WDFY2: variants seen among roughly 807,000 people sequenced by gnomAD.
WDFY2 encodes the protein WD repeat and FYVE domain-containing protein 2.
A neutral mutation model predicts 56.4 loss-of-function variants in WDFY2; 36 were observed. The observed-to-expected ratio is 0.64, with a 90% CI of 0.49 to 0.84. The LOEUF is 0.84. Among genes scored for constraint, WDFY2 ranks in the 40% least tolerant of loss-of-function variants. The pLI is 0.00. For synonymous variants in WDFY2, 176 were observed against 183.7 expected (o/e 0.96, Z 0.34); for missense variants, 444 against 512.2 (o/e 0.87, Z 1.29).
chr13:51,655,723 A>T (rs1034588225), intron 1 of WDFY2, among the ~76,000 whole-genome samples: 1 of 152,114 alleles, frequency 6.6e-6, no homozygotes, highest in Non-Finnish European at 1.5e-5. Context: ...CTGAAGTTTG[A>T]ATAGGATTGT....
At chr13:51,652,162 C>A (rs1190939761) in intron 1 of WDFY2, among the ~76,000 whole-genome samples, 4 of 152,086 alleles carry the variant, frequency 2.6e-5, no homozygotes, top group Non-Finnish European at 5.9e-5. Context: ...TATGTAATGG[C>A]CTTCTTTGTC....
chr13:51,737,551 TAAAAAAAAAAAAAAA>T (rs67418551), intron 6 of WDFY2, among the ~76,000 whole-genome samples: 17 of 53,244 alleles, frequency 3.2e-4, no homozygotes, highest in South Asian at 7.8e-4. Context: ...ACAATGAATT[TAAAAAAAAAAAAAAA>T]AAAAAAAAAA....
chr13:51,732,358 G>C (rs1952742981), intron 6 of WDFY2, among the ~76,000 whole-genome samples: 1 of 152,074 alleles, frequency 6.6e-6, no homozygotes, highest in African/African-American at 2.4e-5. Context: ...GACCTCAAAT[G>C]AACTACCTGC....
intron 2 of WDFY2, among the ~76,000 whole-genome samples, chr13:51,674,944 C>G (rs557572124): frequency 9.2e-5 from 14 of 152,234 alleles, no homozygotes; most frequent in African/African-American, 3.1e-4. Context: ...GGAACTTGCC[C>G]AGTTTGAGAA....
At chr13:51,691,967 T>C (rs2138547564) in intron 3 of WDFY2, among the ~76,000 whole-genome samples, 1 of 152,210 alleles carries the variant, frequency 6.6e-6, no homozygotes, top group South Asian at 2.1e-4. Flanking sequence ...CAATTGTGAA[T>C]GGGAGTTCAC....
chr13:51,613,811 T>C (rs955201004), intron 1 of WDFY2, among the ~76,000 whole-genome samples: 4 of 152,208 alleles, frequency 2.6e-5, no homozygotes, highest in African/African-American at 9.6e-5. Context: ...TGCTGATTAC[T>C]GACTTCTCCT....
At chr13:51,692,081 A>G (rs1425322079) in intron 3 of WDFY2, among the ~76,000 whole-genome samples, 1 of 152,204 alleles carries the variant, frequency 6.6e-6, no homozygotes, top group Non-Finnish European at 1.5e-5. Flanking sequence ...TATCAGCTTA[A>G]GGAGATTTGG....
chr13:51,648,588 C>T (rs146997501), intron 1 of WDFY2, among the ~76,000 whole-genome samples: 2 of 152,252 alleles, frequency 1.3e-5, no homozygotes, highest in African/African-American at 4.8e-5. Context: ...ATTTATCAAA[C>T]ATCCGTTTTA....
intron 10 of WDFY2, among the ~76,000 whole-genome samples, chr13:51,757,084 G>A (rs922801053): frequency 2.0e-5 from 3 of 152,186 alleles, no homozygotes; most frequent in African/African-American, 7.2e-5. Context: ...CCTAATTTTA[G>A]TGACTTACAG....
chr13:51,755,347 TA>T lies in WDFY2; in HGVS notation c.832-10del. ...GGCCACAGTGACCTGTTCTGTGCTT[TA>T]TTTGACAAGACCCCTGAATGGTTGG... On this transcript the variant is annotated splice_polypyrimidine_tract_variant and intron_variant, in intron 8 of 11. Coordinates refer to ENST00000298125, the MANE Select transcript of WDFY2 (RefSeq NM_052950.4). The T allele has an allele frequency of 6.2e-7, 1 of 1,614,150 alleles. No homozygotes were observed.
intron 2 of WDFY2, among the ~76,000 whole-genome samples, chr13:51,661,582 T>C (rs1178704429): frequency 6.6e-6 from 1 of 152,228 alleles, no homozygotes; most frequent in Non-Finnish European, 1.5e-5. Flanking sequence ...ATTGTAGATT[T>C]GCTTAAAATT....
intron 1 of WDFY2, among the ~76,000 whole-genome samples, chr13:51,621,513 A>G (rs1188195200): frequency 6.6e-6 from 1 of 152,228 alleles, no homozygotes; most frequent in Non-Finnish European, 1.5e-5. Context: ...CTCAAAAAAA[A>G]CAAAGAAAAT....
intron 1 of WDFY2, among the ~76,000 whole-genome samples, chr13:51,643,951 G>A (rs1955221339): frequency 6.6e-6 from 1 of 152,290 alleles, no homozygotes; most frequent in East Asian, 1.9e-4. Context: ...GGAATTTCTT[G>A]TGTCATAGGA....
chr13:51,646,724 A>G (rs1378498218), intron 1 of WDFY2, among the ~76,000 whole-genome samples: 1 of 152,228 alleles, frequency 6.6e-6, no homozygotes, highest in Non-Finnish European at 1.5e-5. Flanking sequence ...AGTCTTGGAA[A>G]ATCCAAGTTG....
intron 2 of WDFY2, among the ~76,000 whole-genome samples, chr13:51,670,396 A>G (rs1275952555): frequency 1.3e-5 from 2 of 151,878 alleles, no homozygotes; most frequent in Admixed American, 6.6e-5. Context: ...TCTTTGATCT[A>G]CCAGGGGCCA....
At chr13:51,753,079 G>C (rs1475236448) in intron 8 of WDFY2, 1 of 152,230 alleles carries the variant, frequency 6.6e-6, no homozygotes, top group Non-Finnish European at 1.5e-5. Context: ...ATTTTAGAAG[G>C]GATGGAGTCA....
chr13:51,708,326 T>TA (rs60374574), intron 4 of WDFY2, among the ~76,000 whole-genome samples: 12 of 140,908 alleles, frequency 8.5e-5, no homozygotes, highest in African/African-American at 2.9e-4. Context: ...ACCCCATCTC[T>TA]AAAAAAAAAA....
intron 1 of WDFY2, among the ~76,000 whole-genome samples, chr13:51,607,108 A>G (rs1954397120): frequency 1.3e-5 from 2 of 152,232 alleles, no homozygotes; most frequent in South Asian, 4.1e-4. Flanking sequence ...CCCTTTAGAT[A>G]CTTATATACT....
At position 51,739,179 on chromosome 13, in the gene WDFY2, A is replaced by G. The variant is rs774060972; in HGVS notation, c.725+4A>G. On this transcript the variant is annotated splice_donor_region_variant and intron_variant, in intron 7 of 11. Transcript: ENST00000298125. Reference sequence around the variant, plus strand: ...CCATCGAGCTCCAAGGACACAAGTAAGGTTGCTGGTGCTTTCATAAAGACT... The same window carrying G: ...CCATCGAGCTCCAAGGACACAAGTAGGGTTGCTGGTGCTTTCATAAAGACT... The G allele has an allele frequency of 4.4e-6, 7 of 1,582,772 alleles. No homozygotes were observed. The highest frequency in any genetic ancestry group is 5.2e-6 in the Non-Finnish European group (6 of 1,164,808).
Sources: gnomAD v4.1 joint callset for allele counts (sites outside exome capture counted in the v4.1 genomes callset) on GRCh38, gnomAD v4.1.1 for gene constraint, MANE v1.5 for transcripts, NCBI Gene and HGNC (gene_info 2026-07-23, HGNC 2026-07-21) for gene names.